The following BRINP3 variants were observed in gnomAD, a reference collection of about 807,000 sequenced individuals.
BRINP3 encodes BMP/retinoic acid-inducible neural-specific protein 3.
In BRINP3, 19 loss-of-function variants were observed where a neutral mutation model predicts 71.0. That is an observed-to-expected ratio of 0.27 (90% CI 0.19 to 0.39). BRINP3 has a LOEUF of 0.39. BRINP3 is among the 10% of genes least tolerant of loss of function. The pLI, the probability that BRINP3 is intolerant of heterozygous loss-of-function variation, is 1.00. For missense variants in BRINP3, 959 were observed against 940.8 expected (o/e 1.02, Z -0.25); for synonymous variants, 380 against 337.7 (o/e 1.13, Z -1.37).
intron 7 of BRINP3, among the ~76,000 whole-genome samples, chr1:190,101,096 G>C (rs758105952): frequency 6.6e-6 from 1 of 152,080 alleles, no homozygotes; most frequent in Non-Finnish European, 1.5e-5. Flanking sequence ...TTTTGATCTT[G>C]ACTTTCCAGA....
At chr1:190,366,918 T>G (rs924156757) in intron 2 of BRINP3, among the ~76,000 whole-genome samples, 3 of 152,224 alleles carry the variant, frequency 2.0e-5, no homozygotes, top group Non-Finnish European at 4.4e-5. Flanking sequence ...CCTGTGGCTT[T>G]GCAGAGTATA....
intron 7 of BRINP3, among the ~76,000 whole-genome samples, chr1:190,114,584 T>G (rs879882347): frequency 4.0e-5 from 6 of 151,410 alleles, no homozygotes; most frequent in Non-Finnish European, 7.4e-5. Context: ...GCATTTCTAC[T>G]GGTCTCTTCT....
intron 2 of BRINP3, among the ~76,000 whole-genome samples, chr1:190,392,026 A>C (rs1187174469): frequency 1.4e-5 from 2 of 147,286 alleles, no homozygotes; most frequent in Non-Finnish European, 1.5e-5. Flanking sequence ...AGACAGTATG[A>C]TGTTAAAAAC....
chr1:190,396,286 G>A (rs751138272), intron 2 of BRINP3, among the ~76,000 whole-genome samples: 9 of 151,718 alleles, frequency 5.9e-5, no homozygotes, highest in African/African-American at 1.2e-4. Flanking sequence ...TTTTAGTTCC[G>A]TTTAAATTAA....
At chr1:190,367,276 T>C (rs1445270238) in intron 2 of BRINP3, among the ~76,000 whole-genome samples, 1 of 152,116 alleles carries the variant, frequency 6.6e-6, no homozygotes, top group Non-Finnish European at 1.5e-5. Context: ...CCCAGTATAA[T>C]GTGAAAGCTG....
At chr1:190,242,972 C>A (rs1265846410) in intron 4 of BRINP3, among the ~76,000 whole-genome samples, 4 of 152,086 alleles carry the variant, frequency 2.6e-5, no homozygotes, top group African/African-American at 9.7e-5. Context: ...GGCACGACTA[C>A]AATGATTGGT....
intron 2 of BRINP3, among the ~76,000 whole-genome samples, chr1:190,451,421 G>T (rs775495639): frequency 7.2e-5 from 11 of 152,090 alleles, no homozygotes; most frequent in Non-Finnish European, 1.6e-4. Flanking sequence ...ATCCTGACAG[G>T]CTTACAGCCT....
chr1:190,421,037 C>T (rs980257494), intron 2 of BRINP3, among the ~76,000 whole-genome samples: 1 of 151,612 alleles, frequency 6.6e-6, no homozygotes, highest in Non-Finnish European at 1.5e-5. Flanking sequence ...AAAAGAATGA[C>T]ACATATATCA....
chr1:190,216,463 A>C (rs932196112), intron 6 of BRINP3, among the ~76,000 whole-genome samples: 1 of 151,886 alleles, frequency 6.6e-6, no homozygotes. Flanking sequence ...TTAGAGATAA[A>C]TTGATTTCTA....
intron 2 of BRINP3, among the ~76,000 whole-genome samples, chr1:190,422,176 A>G (rs1009870910): frequency 6.6e-6 from 1 of 151,822 alleles, no homozygotes; most frequent in African/African-American, 2.4e-5. Flanking sequence ...ACTCGTGGTT[A>G]ATTCAAGGTA....
chr1:190,459,279 C>T (rs1425044681), intron 1 of BRINP3, among the ~76,000 whole-genome samples: 1 of 151,282 alleles, frequency 6.6e-6, no homozygotes, highest in Non-Finnish European at 1.5e-5. Flanking sequence ...GCATATAATA[C>T]ATAATAAATG....
In BRINP3 at chr1:190,127,983, T is replaced by G. The variant is rs191646140; in HGVS notation, c.1185-28849A>C. 1.5e-3 allele frequency among the ~76,000 whole-genome samples: 225 copies of G among 151,898 alleles called. 1 individual carries two copies. The highest frequency in any genetic ancestry group is 5.4e-3 in the African/African-American group (223 of 41,524). On this transcript the variant is annotated intron_variant, in intron 7 of 7. Transcript: ENST00000367462. ...ACAAAGAGTGATTCATTGAGTCAAA[T>G]TTCTTGGTCCAGAAGTAATATCAAT...
At chr1:190,168,421 A>G (rs1232987127) in intron 6 of BRINP3, among the ~76,000 whole-genome samples, 1 of 152,136 alleles carries the variant, frequency 6.6e-6, no homozygotes, top group Admixed American at 6.6e-5. Context: ...CTGGTATGCT[A>G]CAATATTCTG....
intron 2 of BRINP3, among the ~76,000 whole-genome samples, chr1:190,351,822 C>T (rs1668406068): frequency 6.6e-6 from 1 of 151,874 alleles, no homozygotes; most frequent in South Asian, 2.1e-4. Context: ...CAATTTTCAC[C>T]ATTTCTAAGA....
intron 6 of BRINP3, among the ~76,000 whole-genome samples, chr1:190,210,352 G>A (rs2102647618): frequency 6.6e-6 from 1 of 152,070 alleles, no homozygotes; most frequent in East Asian, 1.9e-4. Context: ...AAACAAAAAA[G>A]TTATCAAAGT....
intron 2 of BRINP3, among the ~76,000 whole-genome samples, chr1:190,319,914 T>C (rs1666125710): frequency 6.6e-6 from 1 of 152,022 alleles, no homozygotes; most frequent in Non-Finnish European, 1.5e-5. Context: ...TAGCACTAAA[T>C]CTATCACTTA....
At chr1:190,289,054 A>G (rs1437695176) in intron 2 of BRINP3, among the ~76,000 whole-genome samples, 1 of 151,914 alleles carries the variant, frequency 6.6e-6, no homozygotes, top group African/African-American at 2.4e-5. Context: ...TGTGAAGGTA[A>G]CTAACCAATT....
At chr1:190,447,588 C>T (rs1675312645) in intron 2 of BRINP3, among the ~76,000 whole-genome samples, 2 of 147,602 alleles carry the variant, frequency 1.4e-5, no homozygotes, top group Admixed American at 1.4e-4. Context: ...TTTGCAGTCT[C>T]TCTTTCTCCC....
At chr1:190,178,446 T>G (rs1652745199) in intron 6 of BRINP3, among the ~76,000 whole-genome samples, 1 of 152,186 alleles carries the variant, frequency 6.6e-6, no homozygotes, top group South Asian at 2.1e-4. Context: ...ATAAGCTGGT[T>G]GTAATGCCAC....
Sources: allele counts gnomAD v4.1 joint callset (sites outside exome capture counted in the v4.1 genomes callset), GRCh38; gene constraint gnomAD v4.1.1; transcripts MANE v1.5; gene names NCBI Gene and HGNC (gene_info 2026-07-23, HGNC 2026-07-21).